The following MYT1L variants were observed in gnomAD, a reference collection of about 807,000 sequenced individuals.
The protein encoded by MYT1L is myelin transcription factor 1-like protein.
A neutral mutation model predicts 126.7 loss-of-function variants in MYT1L; 12 were observed. The observed-to-expected ratio is 0.09, with a 90% confidence interval of 0.06 to 0.15. MYT1L has a LOEUF of 0.15. MYT1L is among the 10% of genes least tolerant of loss of function. The pLI, the probability that MYT1L is intolerant of heterozygous loss-of-function variation, is 1.00. For synonymous variants in MYT1L, 541 were observed against 604.2 expected (o/e 0.90, Z 1.53); for missense variants, 979 against 1,585.2 (o/e 0.62, Z 6.49).
chr2:2,115,839 C>T (rs546862542), intron 3 of MYT1L, among the ~76,000 whole-genome samples: 47 of 150,972 alleles, frequency 3.1e-4, no homozygotes, highest in Admixed American at 1.6e-3. Flanking sequence ...GAAAACAGGA[C>T]GAGCCTGCTG....
chr2:2,001,831 G>T (rs149134345), intron 4 of MYT1L, among the ~76,000 whole-genome samples: 168 of 152,276 alleles, frequency 1.1e-3, no homozygotes, highest in Admixed American at 1.0e-2. Flanking sequence ...TTCCAACCTG[G>T]TACCCCGGGG....
Position 1,912,442 on chromosome 2 carries a change from C to T in MYT1L, c.1619-332G>A, listed in dbSNP as rs115787761. The stretch of plus-strand genomic sequence containing the variant: ...CAGGAGCTGGGGAGTTCAGAGAACA[C>T]AGAACTGACTCTTTCCTGATGGGCT... On this transcript the variant is annotated intron_variant, in intron 11 of 24. Coordinates refer to ENST00000647738, the MANE Select transcript of MYT1L (RefSeq NM_001303052.2). The surrounding 1 kb of genome is among the most constrained non-coding windows in gnomAD (Gnocchi z 4.3). Among the ~76,000 whole-genome samples the T allele has an allele frequency of 0.042, 6,363 of 152,216 alleles. 207 individuals are homozygous for T. The highest frequency in any genetic ancestry group is 0.059 in the Non-Finnish European group (3,996 of 68,020).
chr2:1,942,932 C>T, intron 9 of MYT1L, 50 bp downstream of exon 9: 1 of 1,485,294 alleles, frequency 6.7e-7, no homozygotes, highest in Non-Finnish European at 9.0e-7. Flanking sequence ...TCACCTTGAA[C>T]AGTGGACCCA....
chr2:1,901,421 A>G (rs1201024262), intron 14 of MYT1L, among the ~76,000 whole-genome samples: 1 of 152,246 alleles, frequency 6.6e-6, no homozygotes, highest in Non-Finnish European at 1.5e-5. Flanking sequence ...AAATGAGATG[A>G]CAAGAAACCT....
intron 5 of MYT1L, among the ~76,000 whole-genome samples, chr2:1,990,788 A>G (rs930355409): frequency 4.6e-5 from 7 of 152,202 alleles, no homozygotes; most frequent in Admixed American, 3.3e-4. Context: ...GAACAGGCCC[A>G]GTCGTCTAGA....
At position 2,197,315 on chromosome 2, in the gene MYT1L, T is replaced by C. The variant is rs149450327; in HGVS notation, c.-420-24327A>G. Reference sequence around the variant, plus strand: ...ATAATAATAAATGAGGTGGGTTTCCTTGATTTATAATTTTAAAATTTATGT... The same window carrying C: ...ATAATAATAAATGAGGTGGGTTTCCCTGATTTATAATTTTAAAATTTATGT... On this transcript the variant is annotated intron_variant, in intron 2 of 24. Coordinates refer to ENST00000647738, the MANE Select transcript of MYT1L (RefSeq NM_001303052.2). 3.2e-3 allele frequency among the ~76,000 whole-genome samples: 492 copies of C among 152,276 alleles called. 3 individuals are homozygous for C. The highest frequency in any genetic ancestry group is 0.011 in the African/African-American group (455 of 41,564).
chr2:1,952,719 C>CTTCCT (rs2057891884), intron 8 of MYT1L, among the ~76,000 whole-genome samples: 1 of 57,360 alleles, frequency 1.7e-5, no homozygotes, highest in Non-Finnish European at 3.6e-5. Context: ...CCCTTCCCTC[C>CTTCCT]TTCCTTCCCT....
rs1374735657 is a variant in MYT1L, at chr2:1,829,525, A to ACACCTGTGAACTGACCCTCCCATG, written c.3080+9600_3080+9623dup. On this transcript the variant is annotated intron_variant, in intron 21 of 24. Coordinates refer to ENST00000647738, the MANE Select transcript of MYT1L (RefSeq NM_001303052.2). ...TACACCTGTGAACTGACCCTCCCATACACCTGTGAACTGACCCTCCCATGC... is the reference window on the plus strand; with the variant it reads ...TACACCTGTGAACTGACCCTCCCATACACCTGTGAACTGACCCTCCCATGCACCTGTGAACTGACCCTCCCATGC... Among the ~76,000 whole-genome samples the ACACCTGTGAACTGACCCTCCCATG allele has an allele frequency of 1.9e-3, 92 of 47,358 alleles. 2 individuals are homozygous for ACACCTGTGAACTGACCCTCCCATG. The highest frequency in any genetic ancestry group is 3.5e-3 in the South Asian group (4 of 1,134). The allele number at this position is 47,358 out of a possible 152,430, so 31.1% of individuals were successfully genotyped here.
chr2:2,008,025 G>T (rs921555736), intron 4 of MYT1L, among the ~76,000 whole-genome samples: 1 of 152,116 alleles, frequency 6.6e-6, no homozygotes, highest in Non-Finnish European at 1.5e-5. Context: ...TAGAACCTAC[G>T]ATTGGCTTTT....
chr2:1,916,996 G>A (rs1450190980), intron 11 of MYT1L, among the ~76,000 whole-genome samples: 2 of 152,188 alleles, frequency 1.3e-5, no homozygotes, highest in African/African-American at 4.8e-5. Context: ...TGTTAGGGGC[G>A]GTGGGCTTCA....
intron 3 of MYT1L, among the ~76,000 whole-genome samples, chr2:2,112,008 G>C (rs1431187722): frequency 6.6e-6 from 1 of 152,196 alleles, no homozygotes; most frequent in Non-Finnish European, 1.5e-5. Context: ...TGCAAACTTG[G>C]GACCACTATT....
intron 19 of MYT1L, 23 bp downstream of exon 19, chr2:1,851,617 GA>G: frequency 6.2e-7 from 1 of 1,606,980 alleles, no homozygotes; most frequent in South Asian, 1.1e-5. Context: ...GCATTTTGGA[GA>G]GAAGAGTAGC....
At chr2:1,792,571 G>T in intron 23 of MYT1L, 107 bp from the exon 24 acceptor site, 1 of 1,235,556 alleles carries the variant, frequency 8.1e-7, no homozygotes, top group Non-Finnish European at 1.1e-6. Flanking sequence ...GCCTCTCGCT[G>T]AAGGAGAAAG....
chr2:1,942,939 C>T, intron 9 of MYT1L, 43 bp downstream of exon 9: 1 of 1,489,014 alleles, frequency 6.7e-7, no homozygotes, highest in South Asian at 1.4e-5. Context: ...GAACAGTGGA[C>T]CCAAATCACG....
At chr2:2,002,597 T>C (rs1218605887) in intron 4 of MYT1L, among the ~76,000 whole-genome samples, 1 of 152,222 alleles carries the variant, frequency 6.6e-6, no homozygotes, top group Non-Finnish European at 1.5e-5. Flanking sequence ...CAAAAGGGTG[T>C]AATCATTTGT....
At chr2:1,831,651 C>T (rs1304037741) in intron 21 of MYT1L, among the ~76,000 whole-genome samples, 1 of 152,196 alleles carries the variant, frequency 6.6e-6, no homozygotes, top group Non-Finnish European at 1.5e-5. Flanking sequence ...AGCCCAGCAT[C>T]GTTTTGAACT....
At chr2:2,072,055 C>T (rs561278742) in intron 3 of MYT1L, among the ~76,000 whole-genome samples, 2 of 152,254 alleles carry the variant, frequency 1.3e-5, no homozygotes, top group African/African-American at 4.8e-5. Context: ...GTCATGACAT[C>T]ATCCTCAAAA....
At chr2:1,831,572 T>A (rs1174877952) in intron 21 of MYT1L, among the ~76,000 whole-genome samples, 1 of 152,198 alleles carries the variant, frequency 6.6e-6, no homozygotes, top group African/African-American at 2.4e-5. Flanking sequence ...CTGGTTTTGG[T>A]GCCTGATCTT....
At chr2:2,281,410 G>A (rs1233166070) in intron 2 of MYT1L, among the ~76,000 whole-genome samples, 2 of 152,306 alleles carry the variant, frequency 1.3e-5, no homozygotes, top group South Asian at 2.1e-4. Flanking sequence ...TGGGGCAAAT[G>A]ACTTTTGTTT....
Sources: allele counts gnomAD v4.1 joint callset (sites outside exome capture counted in the v4.1 genomes callset), GRCh38; gene constraint gnomAD v4.1.1; non-coding constraint Gnocchi (gnomAD v3.1); transcripts MANE v1.5; gene names NCBI Gene and HGNC (gene_info 2026-07-23, HGNC 2026-07-21).